The following ADGRL1 variants were observed in gnomAD, a reference collection of about 807,000 sequenced individuals.
The protein encoded by ADGRL1 is adhesion G protein-coupled receptor L1, also known as CIRL-1.
In ADGRL1, 31 loss-of-function variants were observed where a neutral mutation model predicts 148.9. That is an observed-to-expected ratio of 0.21 (90% CI 0.16 to 0.28). ADGRL1 has a LOEUF of 0.28. ADGRL1 is among the 10% of genes least tolerant of loss of function. The probability of loss-of-function intolerance (pLI) is 1.00; values close to 1 mark genes in which losing one functional copy is unlikely to be tolerated. For missense variants in ADGRL1, 1,521 were observed against 2,058.8 expected (o/e 0.74, Z 5.05); for synonymous variants, 937 against 900.3 (o/e 1.04, Z -0.73).
At chr19:14,192,388 A>G (rs1972001176) in intron 1 of ADGRL1, among the ~76,000 whole-genome samples, 2 of 151,372 alleles carry the variant, frequency 1.3e-5, no homozygotes, top group African/African-American at 2.4e-5. Flanking sequence ...TTACAGTCAC[A>G]CGCCACCACG....
In ADGRL1 at chr19:14,150,575, C is replaced by T; in HGVS notation, c.*298G>A. 4.6e-6 allele frequency: 2 copies of T among 436,322 alleles called. No homozygotes were observed. Among genetic ancestry groups the T allele is most frequent in the Non-Finnish European group, 4.1e-6 (1 of 243,878 alleles). 27.0% of individuals were successfully genotyped at this position (436,322 alleles called of 1,614,324 possible). A position where few individuals can be genotyped will look rare whatever the true frequency, so the allele number is the denominator to read the frequency against. On this transcript the variant is annotated 3_prime_UTR_variant, in exon 23 of 23. Coordinates refer to ENST00000361434, the MANE Select transcript of ADGRL1 (RefSeq NM_014921.5). ...GGAGAGGGGAGAGTCTGGAAGTGGG[C>T]TGCACCCTTCCAAGTTCTCCCTCCT...
chr19:14,197,732 T>C (rs1226047652), intron 1 of ADGRL1, among the ~76,000 whole-genome samples: 2 of 152,336 alleles, frequency 1.3e-5, no homozygotes, highest in East Asian at 3.9e-4. Context: ...AATGTCTGTC[T>C]TCCCCACCAT....
At chr19:14,198,024 TGAG>T (rs1972373928) in intron 1 of ADGRL1, among the ~76,000 whole-genome samples, 1 of 151,976 alleles carries the variant, frequency 6.6e-6, no homozygotes, top group African/African-American at 2.4e-5. Context: ...GCAGAGGTCT[TGAG>T]GAGGTGAGCC....
chr19:14,201,033 T>A (rs1344233598), intron 1 of ADGRL1, among the ~76,000 whole-genome samples: 1 of 152,086 alleles, frequency 6.6e-6, no homozygotes, highest in Admixed American at 6.6e-5. Context: ...GGGCTGGAGG[T>A]GTCACTGACA....
chr19:14,167,854 G>A (rs999695925), intron 4 of ADGRL1, among the ~76,000 whole-genome samples: 3 of 152,100 alleles, frequency 2.0e-5, no homozygotes, highest in South Asian at 2.1e-4. Context: ...TCTGAGGCTC[G>A]GCTTCTCTGC....
Position 14,152,385 on chromosome 19 carries a change from GC to G in ADGRL1, c.3572del (p.Gly1191AlafsTer49). On this transcript the variant is annotated frameshift_variant, in exon 21 of 23. Transcript: ENST00000361434. LOFTEE classifies it high-confidence loss of function. This position sits in a 1 kb window ranked among gnomAD's most constrained non-coding sequence, Gnocchi z 6.1. Reference sequence around the variant, plus strand: ...CGATGAGGGTGTTGTAGGGACTGGTGCCCCCACGGGGCTGCAGCACGGGGTT... The same window carrying G: ...CGATGAGGGTGTTGTAGGGACTGGTGCCCCACGGGGCTGCAGCACGGGGTT... ...LTNPVLQPRG[G>X]TSPYNTLIAE... The G allele has an allele frequency of 6.2e-7, 1 of 1,601,458 alleles. No individual in the cohort carries two copies. The highest frequency in any genetic ancestry group is 8.5e-7 in the Non-Finnish European group (1 of 1,172,158).
At chr19:14,175,515 TAC>T (rs1390613653) in intron 3 of ADGRL1, among the ~76,000 whole-genome samples, 3 of 150,412 alleles carry the variant, frequency 2.0e-5, no homozygotes, top group African/African-American at 4.9e-5. Context: ...CACACCCAAA[TAC>T]ACTCATATAA....
At chr19:14,203,364 T>C (rs1410409263) in intron 1 of ADGRL1, among the ~76,000 whole-genome samples, 2 of 151,918 alleles carry the variant, frequency 1.3e-5, no homozygotes, top group Non-Finnish European at 2.9e-5. Context: ...GGGATGGCAG[T>C]GCTCCCACTC....
In ADGRL1 at chr19:14,183,592, A is replaced by C; in HGVS notation, c.11T>G (p.Leu4Arg). MAR[L>R]AAVLWNLCVT... ...ACACAGATTCCAGAGCACTGCGGCT[A>C]GGCGGGCCATGGTGGCAGCCGGGTG... Residue 4 changes from leucine (L) to arginine (R), a missense_variant, in exon 2 of 23, where the codon CTA becomes CGA. Coordinates refer to ENST00000361434, the MANE Select transcript of ADGRL1 (RefSeq NM_014921.5). The C allele has an allele frequency of 6.3e-7, 1 of 1,579,320 alleles. No individual in the cohort carries two copies.
At chr19:14,156,293 GC>G in intron 16 of ADGRL1, 92 bp from the exon 17 acceptor site, 1 of 1,018,056 alleles carries the variant, frequency 9.8e-7, no homozygotes, top group East Asian at 2.4e-5. Context: ...CGAAATCTCA[GC>G]TGTGGCCCTC....
At chr19:14,182,309 T>C (rs1771148350) in intron 2 of ADGRL1, among the ~76,000 whole-genome samples, 1 of 152,240 alleles carries the variant, frequency 6.6e-6, no homozygotes, top group Admixed American at 6.5e-5. Flanking sequence ...GGGTCCATGC[T>C]GGCCGGGGCA....
intron 4 of ADGRL1, 136 bp downstream of exon 4, chr19:14,170,546 G>C (rs986770379): frequency 5.0e-6 from 3 of 602,868 alleles, no homozygotes; most frequent in Non-Finnish European, 9.1e-6. Context: ...ATGTGTGTTG[G>C]AGAGAGCAGG....
Position 14,183,044 on chromosome 19 carries a change from C to T in ADGRL1, c.70+489G>A, listed in dbSNP as rs1388326275. 3.3e-5 allele frequency among the ~76,000 whole-genome samples: 5 copies of T among 151,956 alleles called. No individual in the cohort carries two copies. In the South Asian group the frequency reaches 8.3e-4, roughly 25 times the overall value. ...TAATCGAGTAATCGGTGAGGGTGGG[C>T]GGGCAGGCTTGGGGCACTAATAGTG... On this transcript the variant is annotated intron_variant, in intron 2 of 22. Transcript: ENST00000361434.
chr19:14,158,458 C>G lies in ADGRL1; in HGVS notation c.2244G>C (p.Pro748=), dbSNP rs562136668. The stretch of plus-strand genomic sequence containing the variant: ...CTAGAGAGGCGCCCCCAGGGCCACC[C>G]GGGCCTGCTTCGCCGGCCAGCTTCA... ...ATVKLAGEAG[P]GGPGGASLVV... Residue 748 remains proline, a synonymous_variant, in exon 12 of 23, where the codon CCG becomes CCC. Transcript: ENST00000361434. 3.7e-6 allele frequency: 6 copies of G among 1,613,868 alleles called. No individual in the cohort carries two copies. The highest frequency in any genetic ancestry group is 5.1e-6 in the Non-Finnish European group (6 of 1,180,016).
chr19:14,194,918 T>C (rs1311863085), intron 1 of ADGRL1, among the ~76,000 whole-genome samples: 2 of 151,150 alleles, frequency 1.3e-5, no homozygotes, highest in Non-Finnish European at 1.5e-5. Flanking sequence ...AGGATCTTGC[T>C]GTGTCGCCCA....
rs752136249 is a variant in ADGRL1, at chr19:14,162,735, T to C, written c.1066A>G (p.Thr356Ala). The C allele has an allele frequency of 1.2e-5, 20 of 1,614,030 alleles. No homozygotes were observed. Among genetic ancestry groups the C allele is most frequent in the Admixed American group, 3.3e-5 (2 of 60,012 alleles). Residue 356 changes from threonine (T) to alanine (A), a missense_variant, in exon 5 of 23, where the codon ACC (threonine) becomes GCC (alanine). Physicochemically the swap from Thr to Ala is moderately conservative, Grantham distance 58 (BLOSUM62 0). Transcript: ENST00000361434. This position sits in a 1 kb window ranked among gnomAD's most constrained non-coding sequence, Gnocchi z 5.4. ...NANREEPVSL[T>A]FPNPYQFISS... ...ATGAACTGGTAGGGGTTGGGGAAGG[T>C]GAGGCTGACAGGCTCCTCGCGGTTG...
chr19:14,182,983 G>A (rs933716640), intron 2 of ADGRL1, among the ~76,000 whole-genome samples: 1 of 152,122 alleles, frequency 6.6e-6, no homozygotes, highest in South Asian at 2.1e-4. Flanking sequence ...ACCTTATCCC[G>A]CCCTTGCCCC....
rs1351640277 is a variant in ADGRL1, at chr19:14,150,485, C to A, written c.*388G>T. ...ATCCAGTGGGGGCCTTTGGCAACCT[C>A]AGAAGCTGCCCCTCCCTGCCCAGGA... On this transcript the variant is annotated 3_prime_UTR_variant, in exon 23 of 23. Transcript: ENST00000361434. The A allele has an allele frequency of 5.1e-6, 1 of 195,172 alleles. No individual in the cohort carries two copies. The highest frequency in any genetic ancestry group is 2.3e-5 in the African/African-American group (1 of 42,700). The allele number at this position is 195,172 out of a possible 1,614,324, so 12.1% of individuals were successfully genotyped here. A position where few individuals can be genotyped will look rare whatever the true frequency, so the allele number is the denominator to read the frequency against.
intron 4 of ADGRL1, 85 bp from the exon 5 acceptor site, chr19:14,163,491 AGAGAGAG>A: frequency 2.0e-6 from 2 of 1,020,872 alleles, no homozygotes; most frequent in Non-Finnish European, 2.7e-6. Flanking sequence ...AGAGAGAGAG[AGAGAGAG>A]GGGGGAGAGA....
Sources: allele counts gnomAD v4.1 joint callset (sites outside exome capture counted in the v4.1 genomes callset), GRCh38; gene constraint gnomAD v4.1.1; non-coding constraint Gnocchi (gnomAD v3.1); transcripts MANE v1.5; gene names NCBI Gene and HGNC (gene_info 2026-07-23, HGNC 2026-07-21).